TAFA1: variants seen among roughly 807,000 people sequenced by gnomAD.
TAFA1 encodes the protein TAFA chemokine like family member 1, also known as chemokine-like protein TAFA-1.
TAFA1 carries 4 observed loss-of-function variants against 18.5 expected under a neutral mutation model. The observed-to-expected ratio is 0.22, with a 90% CI of 0.11 to 0.49. TAFA1 has a LOEUF of 0.49. Ranked by LOEUF, TAFA1 falls within the 20% of genes least tolerant of loss-of-function variation. TAFA1 has a pLI of 0.98. For missense variants in TAFA1, 147 were observed against 169.0 expected (o/e 0.87, Z 0.72); for synonymous variants, 56 against 55.2 (o/e 1.01, Z -0.06).
At chr3:68,400,097 G>T (rs1267273513) in intron 2 of TAFA1, among the ~76,000 whole-genome samples, 1 of 152,246 alleles carries the variant, frequency 6.6e-6, no homozygotes, top group East Asian at 1.9e-4. Flanking sequence ...ATTCACTGTG[G>T]CTGGGAAAAG....
chr3:68,108,954 C>G (rs1369464735), intron 2 of TAFA1, among the ~76,000 whole-genome samples: 1 of 134,084 alleles, frequency 7.5e-6, no homozygotes, highest in Non-Finnish European at 1.7e-5. Flanking sequence ...TTGCCATATT[C>G]TACACATTTT....
intron 2 of TAFA1, among the ~76,000 whole-genome samples, chr3:68,253,035 G>A (rs1453006846): frequency 6.6e-6 from 1 of 152,124 alleles, no homozygotes; most frequent in Non-Finnish European, 1.5e-5. Flanking sequence ...CCCCAGCCAT[G>A]TGGAACTGTG....
At chr3:68,229,625 G>A (rs190020101) in intron 2 of TAFA1, among the ~76,000 whole-genome samples, 67 of 152,240 alleles carry the variant, frequency 4.4e-4, no homozygotes, top group East Asian at 1.9e-3. Context: ...CATAGTTGAC[G>A]TTTTCTTCAC....
intron 2 of TAFA1, among the ~76,000 whole-genome samples, chr3:68,087,575 C>A (rs910902840): frequency 7.1e-6 from 1 of 141,222 alleles, no homozygotes; most frequent in Non-Finnish European, 1.6e-5. Context: ...TCCCTCCTTC[C>A]GTCCTTCCTT....
At chr3:68,149,330 G>T (rs546042266) in intron 2 of TAFA1, among the ~76,000 whole-genome samples, 1 of 152,308 alleles carries the variant, frequency 6.6e-6, no homozygotes, top group Admixed American at 6.5e-5. Flanking sequence ...AAATTGAAAT[G>T]AAGGCACAAG....
chr3:68,484,105 G>T (rs552252491), intron 3 of TAFA1, among the ~76,000 whole-genome samples: 1 of 152,264 alleles, frequency 6.6e-6, no homozygotes, highest in South Asian at 2.1e-4. Flanking sequence ...TACTCCAAAT[G>T]CATCCAAATT....
chr3:68,522,503 T>C (rs1382507230), intron 3 of TAFA1, among the ~76,000 whole-genome samples: 1 of 152,208 alleles, frequency 6.6e-6, no homozygotes, highest in East Asian at 1.9e-4. Context: ...TCTAGTCAAT[T>C]GGACTGGTGC....
chr3:68,496,634 CTAATTT>C (rs1378885162), intron 3 of TAFA1, among the ~76,000 whole-genome samples: 1 of 152,094 alleles, frequency 6.6e-6, no homozygotes, highest in East Asian at 1.9e-4. Context: ...TTTGAGCCAC[CTAATTT>C]TGAGTGAAAG....
At position 68,239,285 on chromosome 3, in the gene TAFA1, G is replaced by A. The variant is rs896279683; in HGVS notation, c.119-177995G>A. 2.8e-4 allele frequency among the ~76,000 whole-genome samples: 43 copies of A among 152,058 alleles called. 1 individual carries two copies. Among genetic ancestry groups the A allele is most frequent in the African/African-American group, 1.0e-3 (42 of 41,412 alleles). On this transcript the variant is annotated intron_variant, in intron 2 of 4. Transcript: ENST00000478136. Reference sequence around the variant, plus strand: ...CTAACAATTATGACTGCATTGACTTGAGTTCATGTTACAAAGTTTATCAAT... The same window carrying A: ...CTAACAATTATGACTGCATTGACTTAAGTTCATGTTACAAAGTTTATCAAT...
chr3:68,364,961 C>G (rs77389668), intron 2 of TAFA1, among the ~76,000 whole-genome samples: 8 of 152,280 alleles, frequency 5.3e-5, no homozygotes, highest in Non-Finnish European at 1.2e-4. Flanking sequence ...TTTGCAGAAT[C>G]TCCACTGCAT....
chr3:68,010,722 A>G (rs373058453), intron 2 of TAFA1, among the ~76,000 whole-genome samples: 9 of 152,356 alleles, frequency 5.9e-5, no homozygotes, highest in East Asian at 5.8e-4. Flanking sequence ...AATTACACTA[A>G]TGAGTAAAAT....
intron 2 of TAFA1, among the ~76,000 whole-genome samples, chr3:68,333,666 C>T (rs948857669): frequency 6.6e-6 from 1 of 152,132 alleles, no homozygotes; most frequent in Non-Finnish European, 1.5e-5. Context: ...CTAACAATCC[C>T]ATTTGTGGTT....
chr3:68,445,977 C>T (rs1044631169), intron 3 of TAFA1, among the ~76,000 whole-genome samples: 1 of 152,178 alleles, frequency 6.6e-6, no homozygotes, highest in African/African-American at 2.4e-5. Flanking sequence ...TCACAGCTCA[C>T]TGCAGCCTCA....
chr3:68,358,040 C>A (rs185441160), intron 2 of TAFA1, among the ~76,000 whole-genome samples: 1 of 151,900 alleles, frequency 6.6e-6, no homozygotes, highest in African/African-American at 2.4e-5. Flanking sequence ...GGATTATCAG[C>A]AGATTGTTTT....
chr3:68,309,666 G>T (rs2068481856), intron 2 of TAFA1, among the ~76,000 whole-genome samples: 1 of 152,152 alleles, frequency 6.6e-6, no homozygotes, highest in African/African-American at 2.4e-5. Flanking sequence ...GATTTTGTTG[G>T]CAGTGGCAGA....
chr3:68,096,700 T>TA (rs1401970103), intron 2 of TAFA1, among the ~76,000 whole-genome samples: 1 of 152,128 alleles, frequency 6.6e-6, no homozygotes, highest in African/African-American at 2.4e-5. Flanking sequence ...CAGGCTAAGT[T>TA]AACACCTATT....
chr3:68,041,553 G>A (rs1405648567), intron 2 of TAFA1, among the ~76,000 whole-genome samples: 1 of 152,172 alleles, frequency 6.6e-6, no homozygotes, highest in Non-Finnish European at 1.5e-5. Context: ...GGTTGAAAAG[G>A]TTTGGAAACT....
intron 2 of TAFA1, among the ~76,000 whole-genome samples, chr3:68,052,729 A>C (rs773183840): frequency 6.6e-5 from 10 of 152,232 alleles, no homozygotes; most frequent in Non-Finnish European, 1.3e-4. Context: ...TGAATAAGAC[A>C]ACATCCTCTA....
intron 2 of TAFA1, among the ~76,000 whole-genome samples, chr3:68,347,324 G>T (rs533782953): frequency 6.7e-4 from 102 of 152,146 alleles, no homozygotes; most frequent in Admixed American, 1.1e-3. Context: ...TCTCATTCTG[G>T]ATTTACCAAG....
Sources: allele counts gnomAD v4.1 joint callset (sites outside exome capture counted in the v4.1 genomes callset), GRCh38; gene constraint gnomAD v4.1.1; transcripts MANE v1.5; gene names NCBI Gene and HGNC (gene_info 2026-07-23, HGNC 2026-07-21).